The following MAP4K4 variants were observed in gnomAD, a reference collection of about 807,000 sequenced individuals.
MAP4K4 encodes the protein HPK/GCK-like kinase HGK.
A neutral mutation model predicts 189.6 loss-of-function variants in MAP4K4; 38 were observed. The ratio of observed to expected loss-of-function variants is 0.20; its 90% confidence interval spans 0.15 to 0.26. MAP4K4 has a LOEUF of 0.26. Among genes scored for constraint, MAP4K4 ranks in the 10% least tolerant of loss-of-function variants. The pLI, the probability that MAP4K4 is intolerant of heterozygous loss-of-function variation, is 1.00. For synonymous variants in MAP4K4, 610 were observed against 624.3 expected (o/e 0.98, Z 0.34); for missense variants, 1,054 against 1,726.9 (o/e 0.61, Z 6.91).
intron 27 of MAP4K4, among the ~76,000 whole-genome samples, chr2:101,877,911 G>A (rs2098259628): frequency 6.6e-6 from 1 of 151,978 alleles, no homozygotes; most frequent in Admixed American, 6.6e-5. Flanking sequence ...CACCATGCCC[G>A]GCTGATTTTT....
chr2:101,877,475 AC>A (rs2098237452), intron 27 of MAP4K4, among the ~76,000 whole-genome samples: 3 of 131,616 alleles, frequency 2.3e-5, no homozygotes, highest in East Asian at 4.1e-4. Context: ...TTTCCACCAG[AC>A]TTTTTTTTTT....
chr2:101,863,204 A>G (rs2097715557), intron 16 of MAP4K4, among the ~76,000 whole-genome samples: 1 of 152,266 alleles, frequency 6.6e-6, no homozygotes, highest in South Asian at 2.1e-4. Context: ...ATATGAAAGT[A>G]TATGGAGATA....
At chr2:101,741,164 ATTTT>A (rs11341237) in intron 2 of MAP4K4, among the ~76,000 whole-genome samples, 1 of 111,394 alleles carries the variant, frequency 9.0e-6, no homozygotes, top group Non-Finnish European at 1.8e-5. Flanking sequence ...GGTAGTAGGT[ATTTT>A]TTTTTTTTTT....
intron 12 of MAP4K4, among the ~76,000 whole-genome samples, chr2:101,845,521 G>C (rs1480338536): frequency 6.6e-6 from 1 of 152,226 alleles, no homozygotes; most frequent in Admixed American, 6.5e-5. Flanking sequence ...CCTAGACTAT[G>C]TGGTGTGGCC....
At chr2:101,810,201 C>T (rs1221034742) in intron 3 of MAP4K4, among the ~76,000 whole-genome samples, 4 of 152,188 alleles carry the variant, frequency 2.6e-5, no homozygotes, top group Admixed American at 1.3e-4. Flanking sequence ...TGAATCAAAT[C>T]TTTCAAAGAT....
At chr2:101,779,409 T>C (rs1359176976) in intron 2 of MAP4K4, among the ~76,000 whole-genome samples, 1 of 152,240 alleles carries the variant, frequency 6.6e-6, no homozygotes, top group Non-Finnish European at 1.5e-5. Flanking sequence ...AACTGCCCTT[T>C]TGTTTACTTA....
Position 101,867,195 on chromosome 2 carries a change from C to G in MAP4K4, c.2357-17C>G. The G allele has an allele frequency of 6.5e-7, 1 of 1,539,270 alleles. No individual in the cohort carries two copies. Among genetic ancestry groups the G allele is most frequent in the Non-Finnish European group, 8.9e-7 (1 of 1,121,406 alleles). On this transcript the variant is annotated splice_polypyrimidine_tract_variant and intron_variant, in intron 19 of 32. Transcript: ENST00000324219. ...TTGATATGTGTCTGTCCATCTTGTC[C>G]CTTTTGAACCCAACAGCATCATCCA...
chr2:101,711,973 CTTT>C (rs57205012), intron 2 of MAP4K4, among the ~76,000 whole-genome samples: 5 of 122,376 alleles, frequency 4.1e-5, no homozygotes, highest in Admixed American at 1.6e-4. Flanking sequence ...CTGTCTTGCC[CTTT>C]TTTTTTTTTT....
At chr2:101,844,269 G>A in exon 12 of MAP4K4, 6 of 1,572,248 alleles carry the variant, frequency 3.8e-6, no homozygotes, top group Non-Finnish European at 3.5e-6. Context: ...AGAGACAGAA[G>A]CGGATTGAGC....
At chr2:101,743,088 T>A (rs1013340720) in intron 2 of MAP4K4, among the ~76,000 whole-genome samples, 1 of 152,198 alleles carries the variant, frequency 6.6e-6, no homozygotes, top group South Asian at 2.1e-4. Context: ...TGGAGCAAGA[T>A]GAACTCAGTT....
chr2:101,866,455 G>T, exon 19 of MAP4K4: 1 of 1,613,532 alleles, frequency 6.2e-7, no homozygotes, highest in Non-Finnish European at 8.5e-7. Flanking sequence ...TTCTGTGGGA[G>T]AGAGTGGAGA....
At chr2:101,736,306 G>A (rs138851334) in intron 2 of MAP4K4, among the ~76,000 whole-genome samples, 54 of 152,286 alleles carry the variant, frequency 3.5e-4, no homozygotes, top group Non-Finnish European at 5.9e-4. Flanking sequence ...CACCTAATGC[G>A]TGGCCCTCCT....
intron 8 of MAP4K4, among the ~76,000 whole-genome samples, 200 bp downstream of exon 8, chr2:101,834,663 C>T (rs2096692323): frequency 6.6e-6 from 1 of 152,184 alleles, no homozygotes; most frequent in Admixed American, 6.5e-5. Context: ...TTGAATATCT[C>T]TAGGAGGCCT....
chr2:101,861,326 G>T, intron 16 of MAP4K4: 1 of 188,126 alleles, frequency 5.3e-6, no homozygotes, highest in Non-Finnish European at 1.1e-5. Context: ...TACATAGAGG[G>T]AGAGCCAGGA....
intron 22 of MAP4K4, 67 bp downstream of exon 22, chr2:101,869,864 T>A: frequency 6.8e-7 from 1 of 1,460,222 alleles, no homozygotes; most frequent in Non-Finnish European, 9.1e-7. Flanking sequence ...CACTGGGACC[T>A]AGTTGTTCCT....
chr2:101,824,527 C>T (rs1433359977), intron 4 of MAP4K4, among the ~76,000 whole-genome samples: 1 of 152,166 alleles, frequency 6.6e-6, no homozygotes, highest in East Asian at 1.9e-4. Flanking sequence ...GGAATTGACA[C>T]ATTCAACCTT....
intron 2 of MAP4K4, among the ~76,000 whole-genome samples, chr2:101,777,196 A>G (rs967816748): frequency 6.6e-6 from 1 of 152,210 alleles, no homozygotes; most frequent in South Asian, 2.1e-4. Context: ...AAAGCCTCTC[A>G]TGGCCCTTTC....
At chr2:101,724,112 A>T (rs1024869798) in intron 2 of MAP4K4, among the ~76,000 whole-genome samples, 7 of 152,142 alleles carry the variant, frequency 4.6e-5, no homozygotes, top group African/African-American at 1.7e-4. Flanking sequence ...CTTACATGAT[A>T]CTTATGGATG....
chr2:101,791,410 TGCACGAGCCCATA>T (rs2092864408), intron 3 of MAP4K4, among the ~76,000 whole-genome samples: 6 of 152,122 alleles, frequency 3.9e-5, no homozygotes, highest in African/African-American at 1.4e-4. Flanking sequence ...ATGTAATATA[TGCACGAGCCCATA>T]TTTAAATTCT....
Sources: allele counts gnomAD v4.1 joint callset (sites outside exome capture counted in the v4.1 genomes callset), GRCh38; gene constraint gnomAD v4.1.1; transcripts MANE v1.5; gene names NCBI Gene and HGNC (gene_info 2026-07-23, HGNC 2026-07-21).